Variants in BCOR observed in about 807,000 individuals in gnomAD.
The protein encoded by BCOR is BCL-6 corepressor.
Under a neutral mutation model 86.7 loss-of-function variants are expected in BCOR, and 10 were observed. The ratio of observed to expected loss-of-function variants is 0.12; its 90% CI spans 0.07 to 0.20. The LOEUF is 0.20. Among genes scored for constraint, BCOR ranks in the 10% least tolerant of loss-of-function variants. BCOR has a pLI of 1.00. For missense variants in BCOR, 1,259 were observed against 1,452.1 expected (o/e 0.87, Z 2.16); for synonymous variants, 611 against 609.0 (o/e 1.00, Z -0.05).
chrX:40,082,102 G>A (rs1936132202), intron 1 of BCOR, among the ~76,000 whole-genome samples: 2 of 112,115 alleles, frequency 1.8e-5, no homozygotes, highest in South Asian at 3.7e-4. Context: ...GCAGAAGGGG[G>A]GCGTCGAGGG....
chrX:40,078,072 T>C (rs1375897466), intron 1 of BCOR, 103 bp from the exon 2 acceptor site: 1 of 530,359 alleles, frequency 1.9e-6, no homozygotes, highest in Non-Finnish European at 3.3e-6. Context: ...AGGATGCAGA[T>C]GGGGAAGGCA....
At chrX:40,124,928 A>G (rs1390949642) in intron 1 of BCOR, among the ~76,000 whole-genome samples, 1 of 109,447 alleles carries the variant, frequency 9.1e-6, no homozygotes, top group Non-Finnish European at 1.9e-5. Flanking sequence ...AAAATAAGTA[A>G]GACATACCCT....
At chrX:40,095,780 G>C in intron 1 of BCOR, among the ~76,000 whole-genome samples, 1 of 84,459 alleles carries the variant, frequency 1.2e-5, no homozygotes, top group Non-Finnish European at 2.2e-5. Context: ...GCGCGCCCTG[G>C]CGCGCGGGCA....
chrX:40,057,438 C>T (rs1934653034), intron 10 of BCOR, 117 bp from the exon 11 acceptor site: 2 of 788,622 alleles, frequency 2.5e-6, no homozygotes, highest in Non-Finnish European at 3.7e-6. Context: ...GAGAACCTCT[C>T]GGGCGGGCTG....
intron 1 of BCOR, among the ~76,000 whole-genome samples, 199 bp downstream of exon 1, chrX:40,097,016 G>A (rs1294888612): frequency 8.8e-6 from 1 of 113,183 alleles, no homozygotes; most frequent in African/African-American, 3.2e-5. Context: ...GGCCGCTTAG[G>A]TTGGCTGCAT....
At chrX:40,137,148 G>A (rs1175052262) in intron 1 of BCOR, among the ~76,000 whole-genome samples, 1 of 112,718 alleles carries the variant, frequency 8.9e-6, no homozygotes, top group African/African-American at 3.2e-5. Context: ...GGCATCACAC[G>A]TTAATTAAAT....
exon 1 of BCOR, chrX:40,177,226 G>C (rs942489953): frequency 9.0e-6 from 1 of 111,357 alleles, no homozygotes; most frequent in Non-Finnish European, 1.9e-5. Flanking sequence ...GAGCAGCCGC[G>C]TGCAAAGGAG....
At chrX:40,121,170 A>C (rs1446439199) in intron 1 of BCOR, among the ~76,000 whole-genome samples, 1 of 111,564 alleles carries the variant, frequency 9.0e-6, no homozygotes, top group Non-Finnish European at 1.9e-5. Context: ...CACTATTGAG[A>C]TAAAGATGGA....
chrX:40,062,495 C>T, intron 9 of BCOR, 102 bp from the exon 10 acceptor site: 1 of 1,015,885 alleles, frequency 9.8e-7, no homozygotes, highest in Non-Finnish European at 1.3e-6. Flanking sequence ...TGGAGAGAGG[C>T]ACTTTATTCC....
chrX:40,168,081 C>T (rs1489148161), intron 1 of BCOR, among the ~76,000 whole-genome samples: 1 of 112,929 alleles, frequency 8.9e-6, no homozygotes, highest in East Asian at 2.8e-4. Context: ...CATCGGAACG[C>T]ACACACAGAC....
chrX:40,052,335 C>T lies in BCOR; in HGVS notation c.5042G>A (p.Arg1681His), dbSNP rs372913827. ...AATTTCCACGTTTGGAAAATTGCAGCGAAATATGCGGGAGGACATTTTCAA... is the reference window on the plus strand; with the variant it reads ...AATTTCCACGTTTGGAAAATTGCAGTGAAATATGCGGGAGGACATTTTCAA... ...KKLKMSSRIF[R>H]CNFPNVEIVT... Residue 1681 changes from arginine (R) to histidine (H), a missense_variant, in exon 15 of 15, where the codon CGC (arginine) becomes CAC (histidine). Transcript: ENST00000378444. The T allele has an allele frequency of 6.6e-6, 8 of 1,210,109 alleles. No homozygotes were observed. The East Asian group carries it at 8.9e-5, about 13-fold the overall frequency.
chrX:40,061,387 A>T (rs1450597409), intron 10 of BCOR, among the ~76,000 whole-genome samples: 1 of 111,261 alleles, frequency 9.0e-6, no homozygotes, highest in Non-Finnish European at 1.9e-5. Flanking sequence ...TATCTGTTCA[A>T]ATCATGTAAC....
Position 40,065,595 on chromosome X carries a change from C to T in BCOR, c.3239-996G>A, listed in dbSNP as rs181934410. 1.1e-4 allele frequency among the ~76,000 whole-genome samples: 12 copies of T among 112,759 alleles called. No homozygotes were observed. The East Asian group carries it at 3.3e-3, about 31-fold the overall frequency. The stretch of plus-strand genomic sequence containing the variant: ...CTTGAATCACCTCAGCCCAACATCA[C>T]TTCCTATTTTTGCTCTAGCCCAAGA... On this transcript the variant is annotated intron_variant, in intron 6 of 14. Transcript: ENST00000378444.
chrX:40,145,582 C>T (rs1231375012), intron 1 of BCOR, among the ~76,000 whole-genome samples: 1 of 111,969 alleles, frequency 8.9e-6, no homozygotes, highest in Admixed American at 9.4e-5. Flanking sequence ...CCAAACTCTC[C>T]GTGCTGCCTC....
chrX:40,058,657 GGT>G (rs1451866912), intron 10 of BCOR, among the ~76,000 whole-genome samples: 1 of 111,846 alleles, frequency 8.9e-6, no homozygotes, highest in Non-Finnish European at 1.9e-5. Context: ...GCTGCACGCT[GGT>G]AACCCTGGCC....
chrX:40,158,611 C>T (rs1156926461), intron 1 of BCOR, among the ~76,000 whole-genome samples: 3 of 112,542 alleles, frequency 2.7e-5, no homozygotes, highest in South Asian at 3.6e-4. Context: ...CGATGGTCAA[C>T]GTGTTATCGC....
intron 1 of BCOR, among the ~76,000 whole-genome samples, chrX:40,096,979 C>A (rs1485177675): frequency 8.8e-6 from 1 of 113,155 alleles, no homozygotes; most frequent in Non-Finnish European, 1.9e-5. Context: ...CCCAGCCGCG[C>A]CCCCTCCCTC....
At chrX:40,084,460 C>G (rs58282157) in intron 1 of BCOR, among the ~76,000 whole-genome samples, 3,617 of 111,732 alleles carry the variant, frequency 0.032, 149 homozygotes, top group African/African-American at 0.11. Context: ...AGGAGGCCAC[C>G]CGGCAACAGA....
chrX:40,051,511 C>T lies in BCOR; in HGVS notation c.*598G>A, dbSNP rs1156410340. The T allele has an allele frequency of 2.9e-5, 5 of 171,714 alleles. No homozygotes were observed. The highest frequency in any genetic ancestry group is 4.4e-5 in the Non-Finnish European group (4 of 89,892). The allele number at this position is 171,714 out of a possible 1,213,427, so 14.2% of individuals were successfully genotyped here. ...AAAATGTTTAAACATATAAACAATC[C>T]GGTTTGATGCGTGAAAACTAATTTC... On this transcript the variant is annotated 3_prime_UTR_variant, in exon 15 of 15. Transcript: ENST00000378444.
Sources: gnomAD v4.1 joint callset for allele counts (sites outside exome capture counted in the v4.1 genomes callset) on GRCh38, gnomAD v4.1.1 for gene constraint, MANE v1.5 for transcripts, NCBI Gene and HGNC (gene_info 2026-07-23, HGNC 2026-07-21) for gene names.